The following ATM variants were observed in gnomAD, a reference collection of about 807,000 sequenced individuals.
ATM encodes serine-protein kinase ATM.
Under a neutral mutation model 387.0 loss-of-function variants are expected in ATM, and 308 were observed. The observed-to-expected ratio is 0.80, with a 90% CI of 0.73 to 0.87. The LOEUF (loss-of-function observed/expected upper bound fraction) is 0.87. Among genes scored for constraint, ATM ranks in the 40% least tolerant of loss-of-function variants. The pLI, the probability that ATM is intolerant of heterozygous loss-of-function variation, is 0.00. For synonymous variants in ATM, 1,156 were observed against 1,187.3 expected (o/e 0.97, Z 0.54); for missense variants, 3,312 against 3,560.9 (o/e 0.93, Z 1.78).
intron 61 of ATM, among the ~76,000 whole-genome samples, chr11:108,361,569 A>C (rs923326520): frequency 2.0e-5 from 3 of 152,076 alleles, no homozygotes; most frequent in Non-Finnish European, 4.4e-5. Context: ...TACAGTAACC[A>C]AAACAACATG....
In ATM at chr11:108,227,838, GCATT is replaced by G. The variant is rs786203370; in HGVS notation, c.138_141del (p.His46GlnfsTer9). On this transcript the variant is annotated frameshift_variant, in exon 3 of 63. Coordinates refer to ENST00000675843, the MANE Select transcript of ATM (RefSeq NM_000051.4). LOFTEE classifies it high-confidence loss of function. ...CTGAAACAATTAAACATCTAGATCG[GCATT>G]CAGATTCCAAACAAGGAAAATATTT... The G allele has an allele frequency of 3.1e-6, 5 of 1,613,278 alleles. No homozygotes were observed. The highest frequency in any genetic ancestry group is 4.2e-6 in the Non-Finnish European group (5 of 1,179,796).
At position 108,354,733 on chromosome 11, in the gene ATM, A is replaced by T. The variant is rs142492245; in HGVS notation, c.8787-78A>T. On this transcript the variant is annotated intron_variant, in intron 60 of 62. Coordinates refer to ENST00000675843, the MANE Select transcript of ATM (RefSeq NM_000051.4). ...TAAGCATAGGCTCAGCATACTACAC[A>T]TGAGAGTATACAGATAAAGATACGT... is the stretch of plus-strand genomic sequence containing the variant. 3 of 1,217,274 alleles carry T rather than the reference A, an allele frequency of 2.5e-6. No homozygotes were observed. In the African/African-American group the frequency reaches 4.5e-5, roughly 18 times the overall value. 75.4% of individuals were successfully genotyped at this position (1,217,274 alleles called of 1,614,324 possible).
chr11:108,275,914 C>G (rs1246567109), intron 22 of ATM, among the ~76,000 whole-genome samples: 1 of 152,110 alleles, frequency 6.6e-6, no homozygotes, highest in Non-Finnish European at 1.5e-5. Context: ...TGGCCTGTCT[C>G]GCTAGATTGG....
chr11:108,331,630 T>A, intron 51 of ATM, 73 bp downstream of exon 51: 12 of 1,429,542 alleles, frequency 8.4e-6, no homozygotes, highest in Non-Finnish European at 1.1e-5. Flanking sequence ...ATAAAGTATA[T>A]ATACCATTCC....
intron 5 of ATM, among the ~76,000 whole-genome samples, chr11:108,239,737 G>A (rs1168276085): frequency 2.0e-5 from 3 of 152,080 alleles, no homozygotes; most frequent in Admixed American, 6.5e-5. Context: ...CAGGAGCTAC[G>A]CCATTTTACA....
intron 61 of ATM, chr11:108,356,135 A>T (rs1458027764): frequency 2.0e-5 from 3 of 152,234 alleles, no homozygotes; most frequent in African/African-American, 7.2e-5. Context: ...ATGATAAGAA[A>T]ATAAGCATGA....
At chr11:108,225,488 T>C (rs1213894837) in intron 1 of ATM, 2 of 152,154 alleles carry the variant, frequency 1.3e-5, no homozygotes, top group Admixed American at 1.3e-4. Context: ...TGTCTTGTTT[T>C]GTTTTGAGAC....
intron 56 of ATM, 36 bp from the exon 57 acceptor site, chr11:108,343,186 T>G: frequency 6.2e-7 from 1 of 1,613,178 alleles, no homozygotes; most frequent in Non-Finnish European, 8.5e-7. Flanking sequence ...TTTAATGGCC[T>G]TTTAAAATTA....
intron 4 of ATM, chr11:108,230,722 G>C (rs754395805): frequency 1.3e-5 from 2 of 152,110 alleles, no homozygotes. Context: ...TTTTAATACA[G>C]GCTCTTGCTC....
intron 22 of ATM, among the ~76,000 whole-genome samples, chr11:108,273,739 G>C (rs928934925): frequency 1.3e-5 from 2 of 152,148 alleles, no homozygotes; most frequent in African/African-American, 4.8e-5. Context: ...ACTTGATAGT[G>C]GTGGATAAGC....
rs2135930756 is a variant in ATM at position 108,303,005 on chromosome 11, T to A, written c.5472T>A (p.Leu1824=). 1 of 1,613,164 alleles carries A rather than the reference T, an allele frequency of 6.2e-7. No homozygotes were observed. The highest frequency in any genetic ancestry group is 8.5e-7 in the Non-Finnish European group (1 of 1,179,260). The change falls in exon 36 of 63, where the codon CTT becomes CTA. Residue 1824 remains leucine, a synonymous_variant. Transcript: ENST00000675843. ...GTGGAGGCACAAAATGTGAAATTCT[T>A]CAATTATTAAAGCCAATGTGTGAAG... ...LDSGGTKCEI[L]QLLKPMCEVK... is the part of the protein sequence containing the mutation.
At chr11:108,265,195 A>G (rs1307938863) in intron 16 of ATM, among the ~76,000 whole-genome samples, 4 of 151,892 alleles carry the variant, frequency 2.6e-5, no homozygotes, top group Non-Finnish European at 4.4e-5. Flanking sequence ...AGCCAAAAGA[A>G]CAAAGCTGGA....
intron 17 of ATM, among the ~76,000 whole-genome samples, chr11:108,267,837 G>A (rs1421538288): frequency 3.3e-5 from 5 of 152,314 alleles, no homozygotes; most frequent in South Asian, 2.1e-4. Flanking sequence ...CAGCCTGGGC[G>A]ACAGAGCGAG....
chr11:108,359,454 C>T (rs2137583949), intron 61 of ATM, among the ~76,000 whole-genome samples: 1 of 152,200 alleles, frequency 6.6e-6, no homozygotes, highest in South Asian at 2.1e-4. Context: ...ACCTAATAGA[C>T]ATCTACAGAA....
intron 5 of ATM, 135 bp from the exon 6 acceptor site, chr11:108,243,818 A>G (rs117601070): frequency 1.5e-5 from 12 of 800,308 alleles, no homozygotes; most frequent in Admixed American, 3.0e-5. Flanking sequence ...TACTTTTACT[A>G]TGTTAAAAAT....
At chr11:108,347,031 G>A (rs1475774913) in intron 58 of ATM, among the ~76,000 whole-genome samples, 1 of 152,084 alleles carries the variant, frequency 6.6e-6, no homozygotes, top group Admixed American at 6.6e-5. Flanking sequence ...TAAAATGTGT[G>A]CCTATTAGTA....
intron 40 of ATM, among the ~76,000 whole-genome samples, chr11:108,313,104 T>C (rs896096879): frequency 1.3e-5 from 2 of 152,242 alleles, no homozygotes; most frequent in Admixed American, 6.5e-5. Flanking sequence ...TGAAATCTCC[T>C]GGCATCTCCT....
chr11:108,224,699 C>T (rs1227317368), intron 1 of ATM: 1 of 152,142 alleles, frequency 6.6e-6, no homozygotes, highest in East Asian at 1.9e-4. Context: ...ATTATAAACT[C>T]CTCTGAGATA....
intron 39 of ATM, among the ~76,000 whole-genome samples, chr11:108,312,132 G>A (rs1189863914): frequency 1.3e-5 from 2 of 152,130 alleles, no homozygotes; most frequent in Non-Finnish European, 2.9e-5. Flanking sequence ...TGAATTGGAT[G>A]GCATCTGCTC....
Sources: gnomAD v4.1 joint callset for allele counts (sites outside exome capture counted in the v4.1 genomes callset) on GRCh38, gnomAD v4.1.1 for gene constraint, MANE v1.5 for transcripts, NCBI Gene and HGNC (gene_info 2026-07-23, HGNC 2026-07-21) for gene names.